The following C13orf46 variants were observed in gnomAD, a reference collection of about 807,000 sequenced individuals.
C13orf46 encodes the protein chromosome 13 open reading frame 46.
At chr13:113,944,521 T>C in the C13orf46 span, among the ~76,000 whole-genome samples, 50 of 152,130 alleles carry the variant, frequency 3.3e-4, no homozygotes, top group East Asian at 8.1e-3. Flanking sequence ...CCTCCAGGTG[T>C]GTGACGGGCC....
the C13orf46 span, among the ~76,000 whole-genome samples, chr13:113,944,213 G>A: frequency 6.6e-6 from 1 of 152,094 alleles, no homozygotes; most frequent in Admixed American, 6.5e-5. Flanking sequence ...TGATGCTCCA[G>A]ACCCCTCCAG....
downstream of C13orf46, among the ~76,000 whole-genome samples, chr13:113,952,346 C>T (rs1216582480): frequency 1.7e-5 from 2 of 115,936 alleles, no homozygotes; most frequent in African/African-American, 2.8e-5. Flanking sequence ...GTGTGGCCGC[C>T]GCTCCCGCCT....
At chr13:113,937,560 T>C in the C13orf46 span, among the ~76,000 whole-genome samples, 1 of 152,162 alleles carries the variant, frequency 6.6e-6, no homozygotes, top group Non-Finnish European at 1.5e-5. Flanking sequence ...TTAGGAAGTT[T>C]ATTTTGCCAA....
intron 1 of C13orf46, among the ~76,000 whole-genome samples, chr13:113,971,537 T>C (rs2052705265): frequency 6.6e-6 from 1 of 152,234 alleles, no homozygotes; most frequent in Non-Finnish European, 1.5e-5. Context: ...GGATTCTCAC[T>C]GTGCTCTTGC....
chr13:113,965,670 AATGGTG>A (rs1400719825), intron 5 of C13orf46, among the ~76,000 whole-genome samples: 5 of 145,616 alleles, frequency 3.4e-5, no homozygotes, highest in African/African-American at 5.1e-5. Flanking sequence ...TGGTGATTAT[AATGGTG>A]ATGGTGATGA....
intron 6 of C13orf46, among the ~76,000 whole-genome samples, chr13:113,957,760 G>A (rs1448936726): frequency 8.3e-6 from 1 of 120,408 alleles, no homozygotes; most frequent in Non-Finnish European, 1.7e-5. Context: ...CTTTCATCAA[G>A]CGCACTGGGA....
At chr13:113,962,920 C>T (rs2052598562) in intron 6 of C13orf46, among the ~76,000 whole-genome samples, 1 of 152,192 alleles carries the variant, frequency 6.6e-6, no homozygotes, top group Admixed American at 6.5e-5. Context: ...CTGGTGTGAC[C>T]TGGTTACGGT....
downstream of C13orf46, among the ~76,000 whole-genome samples, chr13:113,951,731 G>C (rs1009461009): frequency 4.6e-5 from 7 of 152,354 alleles, no homozygotes; most frequent in South Asian, 1.2e-3. Flanking sequence ...AGGCCATGGC[G>C]CTGCGGCCCT....
At chr13:113,944,017 T>G in the C13orf46 span, among the ~76,000 whole-genome samples, 2 of 152,158 alleles carry the variant, frequency 1.3e-5, no homozygotes, top group Non-Finnish European at 2.9e-5. Context: ...CAGGAAGGAA[T>G]GCGGTACAAG....
the C13orf46 span, among the ~76,000 whole-genome samples, chr13:113,942,733 C>T: frequency 1.3e-5 from 2 of 152,218 alleles, no homozygotes; most frequent in African/African-American, 4.8e-5. Context: ...GCGGTAGGAA[C>T]CCCTGGGCCA....
chr13:113,961,480 C>CTTTTTTTTTTTTTTTT, intron 6 of C13orf46, among the ~76,000 whole-genome samples: 1 of 151,038 alleles, frequency 6.6e-6, no homozygotes. Flanking sequence ...ATAGAAATAA[C>CTTTTTTTTTTTTTTTT]TGTTTTCTTG....
chr13:113,944,196 C>T, the C13orf46 span, among the ~76,000 whole-genome samples: 1 of 152,138 alleles, frequency 6.6e-6, no homozygotes, highest in Non-Finnish European at 1.5e-5. Context: ...GCTGCCTTCC[C>T]CTCCCCTGAT....
chr13:113,942,201 C>T, the C13orf46 span, among the ~76,000 whole-genome samples: 10 of 152,290 alleles, frequency 6.6e-5, no homozygotes, highest in South Asian at 2.1e-4. Context: ...ATACAATAGA[C>T]GCATATGAGT....
chr13:113,970,883 G>A (rs2052697974), intron 1 of C13orf46, among the ~76,000 whole-genome samples: 1 of 152,226 alleles, frequency 6.6e-6, no homozygotes, highest in African/African-American at 2.4e-5. Context: ...AGGAACCCAA[G>A]CCTGGCTGTT....
the C13orf46 span, chr13:113,927,305 C>G: frequency 2.6e-6 from 1 of 378,340 alleles, no homozygotes; most frequent in Non-Finnish European, 4.7e-6. Flanking sequence ...GGGACAGGCT[C>G]CTCGCTGGGG....
At chr13:113,947,480 C>T in the C13orf46 span, among the ~76,000 whole-genome samples, 1 of 152,262 alleles carries the variant, frequency 6.6e-6, no homozygotes, top group South Asian at 2.1e-4. Flanking sequence ...AAGACAGCTC[C>T]TCAGGAAGCA....
chr13:113,931,962 C>T, the C13orf46 span, among the ~76,000 whole-genome samples: 1 of 152,184 alleles, frequency 6.6e-6, no homozygotes, highest in African/African-American at 2.4e-5. Flanking sequence ...CTCCACCCTC[C>T]TGCTCCTCTG....
chr13:113,972,474 G>GA (rs1186881546), intron 1 of C13orf46, among the ~76,000 whole-genome samples: 2 of 152,222 alleles, frequency 1.3e-5, no homozygotes, highest in Non-Finnish European at 2.9e-5. Context: ...TTGCGAAGGG[G>GA]AGGCGGAGCT....
chr13:113,929,413 G>A, the C13orf46 span, among the ~76,000 whole-genome samples: 1 of 152,266 alleles, frequency 6.6e-6, no homozygotes, highest in South Asian at 2.1e-4. Flanking sequence ...GCCTGGCGGG[G>A]CTAAGAGGAG....
Sources: gnomAD v4.1 joint callset for allele counts (sites outside exome capture counted in the v4.1 genomes callset) on GRCh38, gnomAD v4.1.1 for gene constraint, MANE v1.5 for transcripts, NCBI Gene and HGNC (gene_info 2026-07-23, HGNC 2026-07-21) for gene names.